ATOSA: variants seen among roughly 807,000 people sequenced by gnomAD.
ATOSA encodes atos homolog protein A.
chr15:52,583,209 T>C, the ATOSA span, among the ~76,000 whole-genome samples: 1 of 152,178 alleles, frequency 6.6e-6, no homozygotes, highest in Non-Finnish European at 1.5e-5. Context: ...ATCCTGTCAT[T>C]ATGTGGAGAT....
the ATOSA span, among the ~76,000 whole-genome samples, chr15:52,690,566 G>C: frequency 6.6e-6 from 1 of 152,204 alleles, no homozygotes; most frequent in Non-Finnish European, 1.5e-5. Context: ...GTGAACAACA[G>C]AAAGAAGGTT....
At chr15:52,660,580 A>C in the ATOSA span, among the ~76,000 whole-genome samples, 1 of 152,218 alleles carries the variant, frequency 6.6e-6, no homozygotes, top group African/African-American at 2.4e-5. Context: ...TATCTTACGC[A>C]CTGAAGAAAT....
the ATOSA span, among the ~76,000 whole-genome samples, chr15:52,592,460 T>C: frequency 3.1e-4 from 47 of 152,214 alleles, no homozygotes; most frequent in African/African-American, 1.1e-3. Flanking sequence ...GTACTCAGTA[T>C]TGTTTTTGCA....
the ATOSA span, chr15:52,611,537 T>A: frequency 1.3e-6 from 2 of 1,591,778 alleles, no homozygotes; most frequent in Non-Finnish European, 1.7e-6. Flanking sequence ...AAAACTTGAT[T>A]TACCAAGAAC....
chr15:52,589,845 T>G, the ATOSA span, among the ~76,000 whole-genome samples: 1 of 152,034 alleles, frequency 6.6e-6, no homozygotes, highest in African/African-American at 2.4e-5. Context: ...TGGAGTGCAG[T>G]GACACGATCT....
At chr15:52,698,369 C>A in the ATOSA span, among the ~76,000 whole-genome samples, 1 of 152,112 alleles carries the variant, frequency 6.6e-6, no homozygotes, top group Non-Finnish European at 1.5e-5. Context: ...TAGAGATAAC[C>A]TGCATCTGCT....
At chr15:52,666,584 A>C in the ATOSA span, among the ~76,000 whole-genome samples, 1 of 152,224 alleles carries the variant, frequency 6.6e-6, no homozygotes, top group Non-Finnish European at 1.5e-5. Context: ...GGGTTACTAA[A>C]CTAACAAATC....
the ATOSA span, among the ~76,000 whole-genome samples, chr15:52,639,763 T>G: frequency 6.6e-6 from 1 of 152,300 alleles, no homozygotes; most frequent in African/African-American, 2.4e-5. Context: ...AATATTTATT[T>G]TTTTTAGACA....
At chr15:52,703,847 A>T in the ATOSA span, among the ~76,000 whole-genome samples, 1 of 152,136 alleles carries the variant, frequency 6.6e-6, no homozygotes, top group Non-Finnish European at 1.5e-5. Flanking sequence ...ATAATTTTTT[A>T]AAACAAGAAA....
At chr15:52,598,593 A>C in the ATOSA span, 1 of 152,342 alleles carries the variant, frequency 6.6e-6, no homozygotes, top group African/African-American at 2.4e-5. Flanking sequence ...TACTGAAGAA[A>C]ACATCAAATT....
chr15:52,675,637 G>A, the ATOSA span, among the ~76,000 whole-genome samples: 2 of 152,178 alleles, frequency 1.3e-5, no homozygotes, highest in African/African-American at 4.8e-5. Flanking sequence ...GGCCGGGCGC[G>A]GTGGCTCACG....
chr15:52,709,211 G>A, the ATOSA span, among the ~76,000 whole-genome samples: 2 of 152,090 alleles, frequency 1.3e-5, no homozygotes, highest in East Asian at 1.9e-4. Context: ...CAAAACCCAC[G>A]ATTGATCATT....
At chr15:52,587,258 C>A in the ATOSA span, 1 of 1,525,562 alleles carries the variant, frequency 6.6e-7, no homozygotes, top group Admixed American at 1.9e-5. Context: ...CAAACTGATG[C>A]ATATGTACAT....
chr15:52,673,174 T>C, the ATOSA span, among the ~76,000 whole-genome samples: 1 of 152,240 alleles, frequency 6.6e-6, no homozygotes, highest in Non-Finnish European at 1.5e-5. Flanking sequence ...TTAACTTATT[T>C]AATCCTCAAA....
the ATOSA span, among the ~76,000 whole-genome samples, chr15:52,589,550 A>G: frequency 2.1e-3 from 321 of 152,028 alleles, 2 homozygotes; most frequent in East Asian, 0.022. Context: ...ATTTAAAAAA[A>G]CAGCTTTTTG....
chr15:52,666,137 T>C, the ATOSA span, among the ~76,000 whole-genome samples: 1 of 152,184 alleles, frequency 6.6e-6, no homozygotes, highest in Non-Finnish European at 1.5e-5. Flanking sequence ...TGTACTTCTT[T>C]GACAGACTCA....
the ATOSA span, among the ~76,000 whole-genome samples, chr15:52,591,921 G>A: frequency 2.6e-5 from 4 of 152,124 alleles, no homozygotes; most frequent in South Asian, 2.1e-4. Flanking sequence ...AGATGTGAAC[G>A]TTGTTGGGAA....
the ATOSA span, among the ~76,000 whole-genome samples, chr15:52,682,748 A>G: frequency 6.6e-6 from 1 of 152,370 alleles, no homozygotes; most frequent in Admixed American, 6.5e-5. Flanking sequence ...GTTCTTGCAA[A>G]GTTAAAAAGA....
At chr15:52,635,524 C>T in the ATOSA span, among the ~76,000 whole-genome samples, 1 of 151,850 alleles carries the variant, frequency 6.6e-6, no homozygotes, top group Non-Finnish European at 1.5e-5. Flanking sequence ...AAGATCCCTG[C>T]CTCTACACAC....
Sources: gnomAD v4.1 joint callset for allele counts (sites outside exome capture counted in the v4.1 genomes callset) on GRCh38, gnomAD v4.1.1 for gene constraint, MANE v1.5 for transcripts, NCBI Gene and HGNC (gene_info 2026-07-23, HGNC 2026-07-21) for gene names.